Variants in CNTN4 observed in about 807,000 individuals in gnomAD.
CNTN4 encodes contactin 4.
CNTN4 carries 77 observed loss-of-function variants against 122.5 expected under a neutral mutation model. That is an observed-to-expected ratio of 0.63 (90% CI 0.52 to 0.76). The LOEUF (loss-of-function observed/expected upper bound fraction) is 0.76. Ranked by LOEUF, CNTN4 falls within the 30% of genes least tolerant of loss-of-function variation. CNTN4 has a pLI of 0.00. For synonymous variants in CNTN4, 512 were observed against 447.0 expected, an observed-to-expected ratio of 1.15 and a Z score of -1.83; for missense variants, 1,256 against 1,259.1, an observed-to-expected ratio of 1.00 and a Z score of 0.04.
chr3:2,684,961 A>T (rs888031429), intron 4 of CNTN4, among the ~76,000 whole-genome samples: 4 of 152,212 alleles, frequency 2.6e-5, no homozygotes, highest in Admixed American at 2.0e-4. Context: ...GTGATAATTT[A>T]TACTTATCTG....
At chr3:2,855,121 A>G (rs1046976239) in intron 7 of CNTN4, among the ~76,000 whole-genome samples, 4 of 152,170 alleles carry the variant, frequency 2.6e-5, no homozygotes, top group Non-Finnish European at 5.9e-5. Context: ...TATGGGGTTA[A>G]ATACTGTGGC....
intron 14 of CNTN4, among the ~76,000 whole-genome samples, chr3:3,020,963 T>C (rs1321696378): frequency 6.6e-6 from 1 of 152,220 alleles, no homozygotes; most frequent in Non-Finnish European, 1.5e-5. Context: ...AACCAGATTA[T>C]TACCTCCCTA....
intron 4 of CNTN4, among the ~76,000 whole-genome samples, chr3:2,688,230 G>A (rs2085537958): frequency 6.6e-6 from 1 of 152,094 alleles, no homozygotes; most frequent in Non-Finnish European, 1.5e-5. Flanking sequence ...TCTACCTATT[G>A]AGAGAAATAG....
chr3:2,922,840 G>A (rs2094441975), intron 12 of CNTN4, among the ~76,000 whole-genome samples: 1 of 151,904 alleles, frequency 6.6e-6, no homozygotes, highest in Non-Finnish European at 1.5e-5. Flanking sequence ...CGAACTCCTG[G>A]CCTCATGTGA....
intron 2 of CNTN4, among the ~76,000 whole-genome samples, chr3:2,229,047 A>C (rs2039389656): frequency 6.6e-6 from 1 of 152,172 alleles, no homozygotes; most frequent in African/African-American, 2.4e-5. Flanking sequence ...ACGCTAATGC[A>C]TTAGCCTTGT....
chr3:2,665,051 T>C (rs2150323247), intron 4 of CNTN4, among the ~76,000 whole-genome samples: 1 of 152,310 alleles, frequency 6.6e-6, no homozygotes, highest in East Asian at 1.9e-4. Flanking sequence ...CCGGGACACC[T>C]AGTTGTATTT....
intron 3 of CNTN4, among the ~76,000 whole-genome samples, chr3:2,533,354 A>T (rs1279828087): frequency 2.6e-5 from 4 of 151,832 alleles, no homozygotes; most frequent in Non-Finnish European, 5.9e-5. Context: ...TCATTATTCA[A>T]TTCCGACCTA....
rs187952680 is a variant in CNTN4, at chr3:2,129,472, T to A, written c.-145+28833T>A. Among the ~76,000 whole-genome samples, 772 of 151,512 alleles carry A rather than the reference T, an allele frequency of 5.1e-3. 5 individuals carry two copies. Among genetic ancestry groups the A allele is most frequent in the African/African-American group, 0.018 (736 of 41,492 alleles). On this transcript the variant is annotated intron_variant, in intron 2 of 24. Coordinates refer to ENST00000418658, the MANE Select transcript of CNTN4 (RefSeq NM_175607.3). ...TCTCACTCTAGGAAATAATCAAGTG[T>A]TGATGGTATTAAATTTCCTTTAGCA...
At chr3:2,132,027 G>A (rs1330284467) in intron 2 of CNTN4, among the ~76,000 whole-genome samples, 1 of 152,172 alleles carries the variant, frequency 6.6e-6, no homozygotes, top group Non-Finnish European at 1.5e-5. Context: ...TGCAGTAGGG[G>A]AGATCCTGCA....
chr3:2,211,058 T>A (rs552053043), intron 2 of CNTN4, among the ~76,000 whole-genome samples: 86 of 152,274 alleles, frequency 5.6e-4, no homozygotes, highest in African/African-American at 2.1e-3. Context: ...TTTAATTGGC[T>A]CACAGTTCTG....
intron 14 of CNTN4, among the ~76,000 whole-genome samples, chr3:2,989,711 A>G (rs1269528610): frequency 2.0e-5 from 3 of 152,346 alleles, no homozygotes; most frequent in Non-Finnish European, 1.5e-5. Context: ...GCATCAGTGT[A>G]TGACTGACTG....
intron 16 of CNTN4, among the ~76,000 whole-genome samples, chr3:3,032,892 T>G (rs974957999): frequency 8.5e-5 from 13 of 152,148 alleles, no homozygotes; most frequent in Non-Finnish European, 1.0e-4. Context: ...TGGTAAACAT[T>G]CTGTAAGGTC....
At chr3:2,328,263 G>A (rs1267447893) in intron 2 of CNTN4, among the ~76,000 whole-genome samples, 4 of 150,612 alleles carry the variant, frequency 2.7e-5, no homozygotes, top group South Asian at 2.1e-4. Context: ...AAAATTAGCC[G>A]GGCGTGGTGG....
chr3:2,226,616 G>A (rs1176572624), intron 2 of CNTN4, among the ~76,000 whole-genome samples: 1 of 152,086 alleles, frequency 6.6e-6, no homozygotes, highest in African/African-American at 2.4e-5. Context: ...ACAACCCTTA[G>A]ATTTCCACTG....
At chr3:2,674,089 C>A (rs2084694235) in intron 4 of CNTN4, among the ~76,000 whole-genome samples, 1 of 152,128 alleles carries the variant, frequency 6.6e-6, no homozygotes, top group Admixed American at 6.5e-5. Context: ...GATGAAAGAA[C>A]CATGAGAAAT....
At chr3:2,889,304 T>C (rs2094012162) in intron 10 of CNTN4, among the ~76,000 whole-genome samples, 1 of 152,198 alleles carries the variant, frequency 6.6e-6, no homozygotes, top group African/African-American at 2.4e-5. Flanking sequence ...CAGTAGCTGT[T>C]TGAATACATC....
intron 2 of CNTN4, among the ~76,000 whole-genome samples, chr3:2,182,423 A>G (rs1228422721): frequency 6.6e-6 from 1 of 152,078 alleles, no homozygotes; most frequent in Non-Finnish European, 1.5e-5. Flanking sequence ...ATCTAACATT[A>G]GTTGTAGCTT....
In CNTN4 at chr3:2,595,086, G is replaced by A. The variant is rs189949887; in HGVS notation, c.55+23528G>A. 2.5e-3 allele frequency among the ~76,000 whole-genome samples: 377 copies of A among 152,224 alleles called. 2 individuals carry two copies. The highest frequency in any genetic ancestry group is 8.7e-3 in the African/African-American group (360 of 41,554). On this transcript the variant is annotated intron_variant, in intron 4 of 24. Coordinates refer to ENST00000418658, the MANE Select transcript of CNTN4 (RefSeq NM_175607.3). The stretch of plus-strand genomic sequence containing the variant: ...ATATGATCCAAGCTATACATTAGTG[G>A]GAACAGTACATCCCTTGATAGTGAC...
At chr3:2,527,358 A>C (rs1212417417) in intron 3 of CNTN4, among the ~76,000 whole-genome samples, 2 of 152,208 alleles carry the variant, frequency 1.3e-5, no homozygotes, top group Non-Finnish European at 2.9e-5. Flanking sequence ...TGGTCGTTAA[A>C]AGCTGCCATT....
Sources: allele counts gnomAD v4.1 joint callset (sites outside exome capture counted in the v4.1 genomes callset), GRCh38; gene constraint gnomAD v4.1.1; transcripts MANE v1.5; gene names NCBI Gene and HGNC (gene_info 2026-07-23, HGNC 2026-07-21).